PCDH15: variants seen among roughly 807,000 people sequenced by gnomAD.
The protein encoded by PCDH15 is protocadherin-15.
In PCDH15, 129 loss-of-function variants were observed where a neutral mutation model predicts 178.5. The observed-to-expected ratio is 0.72, with a 90% CI of 0.63 to 0.84. PCDH15 has a LOEUF of 0.84. Ranked by LOEUF, PCDH15 falls within the 40% of genes least tolerant of loss-of-function variation. PCDH15 has a pLI of 0.00. For missense variants in PCDH15, 2,230 were observed against 2,099.9 expected (o/e 1.06, Z -1.21); for synonymous variants, 800 against 732.0 (o/e 1.09, Z -1.50).
intron 1 of PCDH15, among the ~76,000 whole-genome samples, chr10:54,685,007 T>G (rs1328477223): frequency 6.6e-6 from 1 of 151,860 alleles, no homozygotes; most frequent in African/African-American, 2.4e-5. Flanking sequence ...ATATTTTTAT[T>G]CTATAACCTT....
intron 3 of PCDH15, among the ~76,000 whole-genome samples, chr10:54,877,367 C>T (rs1954164619): frequency 6.6e-6 from 1 of 152,096 alleles, no homozygotes; most frequent in African/African-American, 2.4e-5. Flanking sequence ...ATGAAAATAG[C>T]TACCTACAGA....
chr10:55,335,400 G>A (rs1354808429), intron 2 of PCDH15, among the ~76,000 whole-genome samples: 2 of 151,886 alleles, frequency 1.3e-5, no homozygotes, highest in Admixed American at 1.3e-4. Context: ...ATCCTTGTTG[G>A]TTAAACGTTT....
At chr10:54,216,037 C>G (rs567683733) in intron 9 of PCDH15, among the ~76,000 whole-genome samples, 19 of 73,422 alleles carry the variant, frequency 2.6e-4, no homozygotes, top group African/African-American at 1.2e-3. Flanking sequence ...AGTGAGACTC[C>G]GTCTCAGAAA....
chr10:54,100,063 T>C (rs1347805857), intron 15 of PCDH15, among the ~76,000 whole-genome samples: 1 of 152,104 alleles, frequency 6.6e-6, no homozygotes, highest in Non-Finnish European at 1.5e-5. Context: ...AGAATTCCAT[T>C]CAAATAGAAG....
intron 3 of PCDH15, among the ~76,000 whole-genome samples, chr10:54,384,538 T>G (rs1213621344): frequency 6.6e-6 from 1 of 152,120 alleles, no homozygotes; most frequent in Non-Finnish European, 1.5e-5. Context: ...TGATTAAGTG[T>G]CTTAAGAAAA....
At chr10:54,491,570 C>T (rs567478742) in intron 3 of PCDH15, among the ~76,000 whole-genome samples, 1 of 152,110 alleles carries the variant, frequency 6.6e-6, no homozygotes, top group Non-Finnish European at 1.5e-5. Context: ...TAACTTATTC[C>T]TTTGATATTG....
intron 2 of PCDH15, among the ~76,000 whole-genome samples, chr10:54,596,839 A>C (rs2092266047): frequency 6.6e-6 from 1 of 152,202 alleles, no homozygotes; most frequent in Admixed American, 6.5e-5. Context: ...AATAAAAATA[A>C]GAAATGGCAA....
At chr10:54,838,193 A>G (rs879866147) in intron 3 of PCDH15, among the ~76,000 whole-genome samples, 2 of 151,872 alleles carry the variant, frequency 1.3e-5, no homozygotes, top group Non-Finnish European at 2.9e-5. Context: ...CCACCTAGTG[A>G]TATGGTTTGA....
chr10:54,245,291 A>G (rs958850963), intron 8 of PCDH15, among the ~76,000 whole-genome samples: 1 of 152,200 alleles, frequency 6.6e-6, no homozygotes, highest in Non-Finnish European at 1.5e-5. Context: ...GAAGCAAAGT[A>G]ATGTACAGTT....
intron 9 of PCDH15, 68 bp from the exon 10 acceptor site, chr10:54,214,116 T>C (rs868489942): frequency 1.1e-6 from 1 of 884,300 alleles, no homozygotes; most frequent in Middle Eastern, 2.2e-4. Context: ...GCTTTTTCTA[T>C]TTCCCTTCAT....
chr10:54,223,915 T>C (rs1564723548), intron 9 of PCDH15, among the ~76,000 whole-genome samples: 1 of 152,146 alleles, frequency 6.6e-6, no homozygotes, highest in Non-Finnish European at 1.5e-5. Context: ...AAGATGAACT[T>C]AAGTTCACCT....
intron 2 of PCDH15, among the ~76,000 whole-genome samples, chr10:55,626,394 T>C (rs1476575051): frequency 6.6e-6 from 1 of 152,152 alleles, no homozygotes; most frequent in East Asian, 1.9e-4. Flanking sequence ...CTAATATTAT[T>C]CTATTCCCAC....
chr10:53,821,163 G>C (rs891669805), intron 32 of PCDH15: 6 of 972,278 alleles, frequency 6.2e-6, no homozygotes, highest in Admixed American at 1.2e-4. Flanking sequence ...GAAATAAAGA[G>C]AATAAGACAG....
chr10:55,201,341 C>T (rs1840242819), intron 1 of PCDH15, among the ~76,000 whole-genome samples: 1 of 152,054 alleles, frequency 6.6e-6, no homozygotes, highest in African/African-American at 2.4e-5. Flanking sequence ...AAGAACCAGC[C>T]TTACTCCTGT....
intron 1 of PCDH15, among the ~76,000 whole-genome samples, chr10:54,787,064 C>T (rs976301166): frequency 2.6e-5 from 4 of 151,682 alleles, no homozygotes; most frequent in Non-Finnish European, 4.4e-5. Flanking sequence ...TTGAAGGTAT[C>T]ATCTTTAGAT....
intron 8 of PCDH15, among the ~76,000 whole-genome samples, chr10:54,298,684 T>A (rs2059950043): frequency 6.6e-6 from 1 of 152,184 alleles, no homozygotes; most frequent in Admixed American, 6.5e-5. Context: ...CTGGGGCAAG[T>A]GCCAGCTCAT....
At chr10:55,620,195 G>A (rs1034208371) in intron 2 of PCDH15, among the ~76,000 whole-genome samples, 1 of 152,020 alleles carries the variant, frequency 6.6e-6, no homozygotes, top group Non-Finnish European at 1.5e-5. Context: ...TTGTGGTCCA[G>A]ATGTATTCTA....
At chr10:54,708,056 T>C (rs1278571832) in intron 1 of PCDH15, among the ~76,000 whole-genome samples, 1 of 152,168 alleles carries the variant, frequency 6.6e-6, no homozygotes, top group African/African-American at 2.4e-5. Context: ...ATATATGCAA[T>C]TATAAAATAA....
intron 1 of PCDH15, among the ~76,000 whole-genome samples, chr10:55,255,953 A>G (rs1447851223): frequency 6.6e-6 from 1 of 152,118 alleles, no homozygotes; most frequent in Non-Finnish European, 1.5e-5. Flanking sequence ...GTTTAGTTTA[A>G]TTAGATCCCA....
Sources: gnomAD v4.1 joint callset for allele counts (sites outside exome capture counted in the v4.1 genomes callset) on GRCh38, gnomAD v4.1.1 for gene constraint, MANE v1.5 for transcripts, NCBI Gene and HGNC (gene_info 2026-07-23, HGNC 2026-07-21) for gene names.